Variants in STARD13 observed in about 807,000 individuals in gnomAD.
STARD13 encodes the protein stAR-related lipid transfer protein 13.
Under a neutral mutation model 106.4 loss-of-function variants are expected in STARD13, and 62 were observed. The observed-to-expected ratio is 0.58, with a 90% CI of 0.48 to 0.72. The LOEUF (loss-of-function observed/expected upper bound fraction) is 0.72. STARD13 is among the 30% of genes least tolerant of loss of function. STARD13 has a pLI of 0.00. For synonymous variants in STARD13, 565 were observed against 553.0 expected (o/e 1.02, Z -0.31); for missense variants, 1,387 against 1,424.0 (o/e 0.97, Z 0.42).
the STARD13 span, among the ~76,000 whole-genome samples, chr13:33,460,630 A>G: frequency 6.6e-6 from 1 of 152,086 alleles, no homozygotes; most frequent in African/African-American, 2.4e-5. Context: ...CTGACAACTC[A>G]TTTCTTGAAT....
At chr13:33,275,241 C>G (rs1281975274) in intron 1 of STARD13, among the ~76,000 whole-genome samples, 1 of 152,094 alleles carries the variant, frequency 6.6e-6, no homozygotes, top group African/African-American at 2.4e-5. Context: ...TGAGGACACA[C>G]ACAAAAAATG....
At chr13:33,593,962 A>C in the STARD13 span, among the ~76,000 whole-genome samples, 1 of 152,100 alleles carries the variant, frequency 6.6e-6, no homozygotes, top group Admixed American at 6.5e-5. Flanking sequence ...GCTGGAGTGC[A>C]GTGACGCGAT....
chr13:33,350,530 G>A, exon 1 of STARD13: 1 of 1,440,086 alleles, frequency 6.9e-7, no homozygotes. Context: ...GGGGTCCCGG[G>A]ACCCAATGCG....
chr13:33,467,044 AG>A, the STARD13 span, among the ~76,000 whole-genome samples: 1 of 151,702 alleles, frequency 6.6e-6, no homozygotes, highest in Non-Finnish European at 1.5e-5. Flanking sequence ...GTGGGGGTTG[AG>A]GGGGTGGGGA....
the STARD13 span, among the ~76,000 whole-genome samples, chr13:33,452,904 A>T: frequency 6.6e-6 from 1 of 152,218 alleles, no homozygotes. Flanking sequence ...TTTAAAATAT[A>T]TTGCCTGACA....
chr13:33,544,862 C>T, the STARD13 span, among the ~76,000 whole-genome samples: 2 of 150,886 alleles, frequency 1.3e-5, no homozygotes, highest in Admixed American at 1.3e-4. Flanking sequence ...CAATCTCTGC[C>T]TCCCGGGTTC....
chr13:33,191,054 AT>A (rs1304690933), intron 1 of STARD13, among the ~76,000 whole-genome samples: 2 of 152,214 alleles, frequency 1.3e-5, no homozygotes, highest in African/African-American at 4.8e-5. Context: ...TTTGTAAACA[AT>A]TTACAAGGTA....
At chr13:33,403,407 G>T in the STARD13 span, among the ~76,000 whole-genome samples, 1 of 152,170 alleles carries the variant, frequency 6.6e-6, no homozygotes, top group African/African-American at 2.4e-5. Flanking sequence ...TTGTTTTTAG[G>T]TTAATTTGAG....
At chr13:33,462,970 G>A in the STARD13 span, among the ~76,000 whole-genome samples, 1,032 of 152,332 alleles carry the variant, frequency 6.8e-3, 10 homozygotes, top group African/African-American at 0.022. Context: ...ATTGTTGGAA[G>A]GTTAGAGTCC....
At chr13:33,271,074 AC>A (rs1181637790) in intron 1 of STARD13, among the ~76,000 whole-genome samples, 4 of 152,202 alleles carry the variant, frequency 2.6e-5, no homozygotes, top group African/African-American at 9.6e-5. Flanking sequence ...TTTCACAAAC[AC>A]CAGAAGTTGG....
chr13:33,259,341 A>G (rs1890524105), intron 1 of STARD13, among the ~76,000 whole-genome samples: 1 of 152,224 alleles, frequency 6.6e-6, no homozygotes, highest in Non-Finnish European at 1.5e-5. Flanking sequence ...TTAAAAATTA[A>G]TAGAGAAGCA....
intron 1 of STARD13, among the ~76,000 whole-genome samples, chr13:33,187,307 T>C (rs1055439758): frequency 1.3e-5 from 2 of 152,204 alleles, no homozygotes; most frequent in Non-Finnish European, 2.9e-5. Flanking sequence ...TTTTTTGAGA[T>C]AATCATTGCT....
chr13:33,441,284 G>A, the STARD13 span, among the ~76,000 whole-genome samples: 1 of 152,122 alleles, frequency 6.6e-6, no homozygotes, highest in Admixed American at 6.5e-5. Flanking sequence ...TTCTTAGTCC[G>A]ATTCTAGTCT....
intron 1 of STARD13, among the ~76,000 whole-genome samples, chr13:33,209,817 A>G (rs1424811849): frequency 6.6e-6 from 1 of 152,122 alleles, no homozygotes; most frequent in Non-Finnish European, 1.5e-5. Flanking sequence ...CACAAAAAAA[A>G]TAAAAATTAG....
At chr13:33,237,867 A>T (rs974438092) in intron 1 of STARD13, among the ~76,000 whole-genome samples, 6 of 152,234 alleles carry the variant, frequency 3.9e-5, no homozygotes, top group African/African-American at 1.4e-4. Context: ...AAAAACCAAG[A>T]GTATGTTAGA....
At chr13:33,649,234 C>A in the STARD13 span, among the ~76,000 whole-genome samples, 18 of 152,224 alleles carry the variant, frequency 1.2e-4, no homozygotes, top group African/African-American at 4.3e-4. Flanking sequence ...AGCTAACACA[C>A]GTTTATTGCA....
the STARD13 span, among the ~76,000 whole-genome samples, chr13:33,625,310 G>A: frequency 6.2e-4 from 95 of 152,266 alleles, no homozygotes; most frequent in African/African-American, 2.2e-3. Flanking sequence ...GGTGGCTCAC[G>A]CCTGTAATCC....
chr13:33,535,269 A>G, the STARD13 span, among the ~76,000 whole-genome samples: 1 of 152,174 alleles, frequency 6.6e-6, no homozygotes, highest in Non-Finnish European at 1.5e-5. Flanking sequence ...ATAAATCTGA[A>G]TACGACTGGC....
chr13:33,553,980 A>G, the STARD13 span, among the ~76,000 whole-genome samples: 5 of 152,120 alleles, frequency 3.3e-5, no homozygotes, highest in African/African-American at 1.2e-4. Flanking sequence ...AAAGATTTCT[A>G]TTTTTAACAT....
Sources: gnomAD v4.1 joint callset for allele counts (sites outside exome capture counted in the v4.1 genomes callset) on GRCh38, gnomAD v4.1.1 for gene constraint, MANE v1.5 for transcripts, NCBI Gene and HGNC (gene_info 2026-07-23, HGNC 2026-07-21) for gene names.